The following NEBL variants were observed in gnomAD, a reference collection of about 807,000 sequenced individuals.
NEBL encodes the protein LIM and SH3 protein 2.
A neutral mutation model predicts 140.2 loss-of-function variants in NEBL; 122 were observed. That is an observed-to-expected ratio of 0.87 (90% CI 0.75 to 1.01). The LOEUF is 1.01. Ranked by LOEUF, NEBL falls within the 50% of genes least tolerant of loss-of-function variation. The pLI is 0.00. For synonymous variants in NEBL, 436 were observed against 398.9 expected (o/e 1.09, Z -1.11); for missense variants, 1,365 against 1,231.3 (o/e 1.11, Z -1.62).
intron 4 of NEBL, among the ~76,000 whole-genome samples, chr10:20,952,176 C>T (rs1835505853): frequency 6.6e-6 from 1 of 152,160 alleles, no homozygotes; most frequent in African/African-American, 2.4e-5. Flanking sequence ...GTGGCTCACA[C>T]CTATAATCCC....
intron 2 of NEBL, among the ~76,000 whole-genome samples, chr10:21,063,434 T>C (rs1835389952): frequency 6.6e-6 from 1 of 152,204 alleles, no homozygotes; most frequent in South Asian, 2.1e-4. Flanking sequence ...GAACAGTTAG[T>C]CAAATTTAAC....
chr10:21,014,274 C>T (rs1212641650), intron 3 of NEBL, among the ~76,000 whole-genome samples: 1 of 152,070 alleles, frequency 6.6e-6, no homozygotes, highest in African/African-American at 2.4e-5. Flanking sequence ...CAGGAGTGAG[C>T]CATCAGGCCT....
intron 3 of NEBL, among the ~76,000 whole-genome samples, chr10:20,997,512 A>AAAC (rs1837721632): frequency 7.6e-6 from 1 of 131,242 alleles, no homozygotes; most frequent in Non-Finnish European, 1.6e-5. Context: ...AAAAAAAAAA[A>AAAC]AACAGAACTC....
chr10:21,241,898 C>A (rs1157709495), intron 3 of NEBL, among the ~76,000 whole-genome samples: 1 of 152,142 alleles, frequency 6.6e-6, no homozygotes, highest in Admixed American at 6.5e-5. Context: ...GGACCCACAG[C>A]TCATCTAAGA....
At chr10:20,940,259 C>A (rs1490966912) in intron 4 of NEBL, among the ~76,000 whole-genome samples, 1 of 151,672 alleles carries the variant, frequency 6.6e-6, no homozygotes, top group Non-Finnish European at 1.5e-5. Context: ...TGCAATCAAA[C>A]TAGAACTCAG....
intron 2 of NEBL, among the ~76,000 whole-genome samples, chr10:21,049,192 T>C (rs142762603): frequency 6.0e-4 from 91 of 152,320 alleles, no homozygotes; most frequent in African/African-American, 1.9e-3. Flanking sequence ...AAAATCTTCA[T>C]AGCAACATAT....
chr10:21,202,903 C>T (rs1029092872), intron 3 of NEBL, among the ~76,000 whole-genome samples: 1 of 152,112 alleles, frequency 6.6e-6, no homozygotes, highest in Non-Finnish European at 1.5e-5. Flanking sequence ...AGAATGTAAA[C>T]CTGGAGCAGT....
At chr10:20,973,222 T>A (rs1836655919) in intron 3 of NEBL, among the ~76,000 whole-genome samples, 1 of 151,814 alleles carries the variant, frequency 6.6e-6, no homozygotes, top group African/African-American at 2.4e-5. Flanking sequence ...AAAATCACTT[T>A]GTAAAAAAGA....
At chr10:21,179,086 G>A (rs1440651548), upstream of NEBL, among the ~76,000 whole-genome samples, 1 of 152,154 alleles carries the variant, frequency 6.6e-6, no homozygotes, top group African/African-American at 2.4e-5. Context: ...TAATCACAAG[G>A]GGCCTCCTAA....
At chr10:20,986,939 C>A (rs2131676742) in intron 3 of NEBL, among the ~76,000 whole-genome samples, 1 of 152,298 alleles carries the variant, frequency 6.6e-6, no homozygotes, top group East Asian at 1.9e-4. Flanking sequence ...GAACCCCCAA[C>A]ACCCACCAAA....
intron 3 of NEBL, among the ~76,000 whole-genome samples, chr10:20,978,069 C>T (rs1264532495): frequency 1.3e-5 from 2 of 152,066 alleles, no homozygotes; most frequent in African/African-American, 2.4e-5. Context: ...GCTCTGGGCT[C>T]CTAACGCTTC....
intron 4 of NEBL, among the ~76,000 whole-genome samples, chr10:20,917,848 T>G (rs1833383276): frequency 6.6e-6 from 1 of 152,204 alleles, no homozygotes; most frequent in Admixed American, 6.5e-5. Context: ...GAAAAAATAT[T>G]CTTAACTTGC....
At chr10:20,900,322 C>T (rs561316513), upstream of NEBL, among the ~76,000 whole-genome samples, 95 of 152,312 alleles carry the variant, frequency 6.2e-4, no homozygotes, top group Non-Finnish European at 1.2e-3. Flanking sequence ...AATTATTCAA[C>T]CCCTCACTAC....
chr10:21,110,984 C>A (rs1411237142), intron 2 of NEBL: 3 of 362,846 alleles, frequency 8.3e-6, no homozygotes, highest in Non-Finnish European at 1.6e-5. Flanking sequence ...GAGTGAACTC[C>A]CATTCACAAT....
intron 3 of NEBL, among the ~76,000 whole-genome samples, chr10:21,222,580 TG>T (rs1842086168): frequency 6.6e-6 from 1 of 152,220 alleles, no homozygotes; most frequent in African/African-American, 2.4e-5. Flanking sequence ...CTATTTTCTT[TG>T]TGTTACTTTT....
At chr10:20,858,201 C>T in intron 9 of NEBL, 39 bp downstream of exon 9, 1 of 1,504,172 alleles carries the variant, frequency 6.6e-7, no homozygotes, top group Non-Finnish European at 9.3e-7. Flanking sequence ...TTCTTGGAGC[C>T]ACAAGGCAAC....
chr10:20,983,189 T>C (rs56014396), intron 3 of NEBL, among the ~76,000 whole-genome samples: 192 of 152,266 alleles, frequency 1.3e-3, no homozygotes, highest in African/African-American at 4.5e-3. Context: ...GAAAATCAAA[T>C]TAGATAATCT....
intron 2 of NEBL, among the ~76,000 whole-genome samples, chr10:21,139,987 CAA>C (rs11289396): frequency 0.017 from 1,696 of 99,662 alleles, 7 homozygotes; most frequent in Middle Eastern, 0.038. Context: ...CCTGTCTCAA[CAA>C]AAAAAAAAAA....
chr10:21,194,507 A>G (rs1217777859), intron 3 of NEBL, among the ~76,000 whole-genome samples: 1 of 152,176 alleles, frequency 6.6e-6, no homozygotes, highest in Non-Finnish European at 1.5e-5. Context: ...TCACCTTTAA[A>G]GAATTATTTT....
Sources: allele counts gnomAD v4.1 joint callset (sites outside exome capture counted in the v4.1 genomes callset), GRCh38; gene constraint gnomAD v4.1.1; transcripts MANE v1.5; gene names NCBI Gene and HGNC (gene_info 2026-07-23, HGNC 2026-07-21).